BRAF: variants seen among roughly 807,000 people sequenced by gnomAD.
The protein encoded by BRAF is B-Raf proto-oncogene, serine/threonine kinase.
A neutral mutation model predicts 104.6 loss-of-function variants in BRAF; 16 were observed. The ratio of observed to expected loss-of-function variants is 0.15; its 90% confidence interval spans 0.10 to 0.23. BRAF has a LOEUF of 0.23. Among genes scored for constraint, BRAF ranks in the 10% least tolerant of loss-of-function variants. The pLI is 1.00. For missense variants in BRAF, 541 were observed against 937.3 expected, an observed-to-expected ratio of 0.58 and a Z score of 5.52; for synonymous variants, 310 against 341.6, an observed-to-expected ratio of 0.91 and a Z score of 1.02.
chr7:140,717,777 T>G (rs1795166749), downstream of BRAF, among the ~76,000 whole-genome samples: 1 of 152,330 alleles, frequency 6.6e-6, no homozygotes, highest in Non-Finnish European at 1.5e-5. Context: ...ACATCTACTC[T>G]GTTGTAATCA....
At chr7:140,734,469 C>T in intron 19 of BRAF, 2 of 1,582,126 alleles carry the variant, frequency 1.3e-6, no homozygotes, top group Admixed American at 1.7e-5. Context: ...AGTCTTTAAC[C>T]ACACAAGTGT....
chr7:140,858,386 C>A (rs1810034561), intron 1 of BRAF, among the ~76,000 whole-genome samples: 1 of 152,134 alleles, frequency 6.6e-6, no homozygotes, highest in African/African-American at 2.4e-5. Flanking sequence ...CTGAAATAAT[C>A]AAATATAGAT....
intron 3 of BRAF, among the ~76,000 whole-genome samples, chr7:140,812,076 CTTTT>C (rs954698066): frequency 8.6e-5 from 13 of 151,562 alleles, no homozygotes; most frequent in Admixed American, 5.9e-4. Flanking sequence ...AGAAGGCATT[CTTTT>C]TTTCTTTTTT....
intron 17 of BRAF, among the ~76,000 whole-genome samples, chr7:140,742,353 G>A (rs968680998): frequency 2.0e-5 from 3 of 151,880 alleles, no homozygotes; most frequent in African/African-American, 7.3e-5. Flanking sequence ...CACCATGCCT[G>A]GCTAATGTTT....
chr7:140,891,945 T>A (rs1814271918), intron 1 of BRAF, among the ~76,000 whole-genome samples: 1 of 152,064 alleles, frequency 6.6e-6, no homozygotes, highest in African/African-American at 2.4e-5. Context: ...GTCAAGGAAG[T>A]TTATACAATT....
chr7:140,803,837 C>T (rs1275900903), intron 5 of BRAF, among the ~76,000 whole-genome samples: 1 of 152,130 alleles, frequency 6.6e-6, no homozygotes, highest in Non-Finnish European at 1.5e-5. Flanking sequence ...ATGTGAGTGG[C>T]TACTTCAGAG....
chr7:140,741,956 CAAAA>C (rs541718913), intron 17 of BRAF, among the ~76,000 whole-genome samples: 1 of 140,802 alleles, frequency 7.1e-6, no homozygotes, highest in African/African-American at 2.6e-5. Flanking sequence ...GAGACTGTCT[CAAAA>C]AAAAAAAAAT....
At chr7:140,889,754 G>C (rs552403367) in intron 1 of BRAF, among the ~76,000 whole-genome samples, 4 of 152,314 alleles carry the variant, frequency 2.6e-5, no homozygotes, top group African/African-American at 9.6e-5. Context: ...TCAGTCAAAA[G>C]TCAGTGAGGA....
intron 14 of BRAF, among the ~76,000 whole-genome samples, chr7:140,761,607 A>G (rs1281640382): frequency 3.9e-5 from 6 of 152,186 alleles, no homozygotes; most frequent in Non-Finnish European, 7.3e-5. Context: ...CTGGATAAAG[A>G]GTCAAGACCC....
intron 18 of BRAF, among the ~76,000 whole-genome samples, chr7:140,737,613 T>C (rs2130886589): frequency 6.6e-6 from 1 of 152,348 alleles, no homozygotes; most frequent in South Asian, 2.1e-4. Flanking sequence ...GTTATTTTTC[T>C]ATATAGAAGT....
At position 140,785,794 on chromosome 7, in the gene BRAF, G is replaced by A. The variant is rs1801293675; in HGVS notation, c.1192C>T (p.Leu398=). 2.5e-6 allele frequency: 1 copy of A among 399,060 alleles called. No homozygotes were observed. Among genetic ancestry groups the A allele is most frequent in the Non-Finnish European group, 4.4e-6 (1 of 226,078 alleles). 24.7% of individuals were successfully genotyped at this position (399,060 alleles called of 1,614,324 possible). A position where few individuals can be genotyped will look rare whatever the true frequency, so the allele number is the denominator to read the frequency against. The stretch of plus-strand genomic sequence containing the variant: ...TGGTATTTCCGAAGACAGCGCATCA[G>A]CTGGTTCAAAGGGGCTGTTAGAAGA... ...FRGDGAPLNQ[L]MRCLRKYQSR... The change falls in exon 10 of 20, where the codon CTG becomes TTG. Residue 398 remains leucine, a synonymous_variant. Coordinates refer to ENST00000644969, the MANE Select transcript of BRAF (RefSeq NM_001374258.1).
intron 14 of BRAF, among the ~76,000 whole-genome samples, chr7:140,762,128 CATA>C (rs1798799030): frequency 6.6e-6 from 1 of 152,166 alleles, no homozygotes. Context: ...AAACTGACCA[CATA>C]CTTGGAAGTA....
intron 17 of BRAF, among the ~76,000 whole-genome samples, chr7:140,742,905 G>T (rs1013806808): frequency 1.5e-4 from 23 of 151,538 alleles, no homozygotes; most frequent in Non-Finnish European, 2.2e-4. Flanking sequence ...ATCAAAAAGT[G>T]GGCAAAGGAC....
intron 3 of BRAF, among the ~76,000 whole-genome samples, chr7:140,812,188 G>T (rs983358231): frequency 6.6e-6 from 1 of 151,914 alleles, no homozygotes; most frequent in African/African-American, 2.4e-5. Flanking sequence ...GTGTGTGTGT[G>T]TGTGTGAGGG....
Position 140,834,633 on chromosome 7 carries a change from G to A in BRAF, c.480C>T (p.Phe160=). Residue 160 remains phenylalanine, a synonymous_variant, in exon 3 of 20, where the codon TTC becomes TTT. Transcript: ENST00000644969. The stretch of plus-strand genomic sequence containing the variant: ...CCACTGTCCTCTGTTTGTTGGGCAG[G>A]AAGACTCTAACGATAGGTTTTTGTG... The part of the protein sequence containing the change: ...KSPQKPIVRV[F]LPNKQRTVVP... 1 of 1,614,128 alleles carries A rather than the reference G, an allele frequency of 6.2e-7. No homozygotes were observed. The highest frequency in any genetic ancestry group is 8.5e-7 in the Non-Finnish European group (1 of 1,180,004).
chr7:140,844,639 A>T (rs1372353767), intron 2 of BRAF, among the ~76,000 whole-genome samples: 1 of 152,194 alleles, frequency 6.6e-6, no homozygotes, highest in Non-Finnish European at 1.5e-5. Context: ...TAAAATTCAC[A>T]TGGAGGCTGA....
chr7:140,813,458 CTATCAA>C lies in BRAF; in HGVS notation c.505-4469_505-4464del, dbSNP rs1318739351. On this transcript the variant is annotated intron_variant, in intron 3 of 19. Coordinates refer to ENST00000644969, the MANE Select transcript of BRAF (RefSeq NM_001374258.1). Reference sequence around the variant, plus strand: ...AAGATCCATGAAGCGAAATTTGTATCTATCAAAGTCACAAATGCAAATTTCTCTTTG... The same window carrying C: ...AAGATCCATGAAGCGAAATTTGTATCAGTCACAAATGCAAATTTCTCTTTG... Among the ~76,000 whole-genome samples, 3 of 152,202 alleles carry C rather than the reference CTATCAA, an allele frequency of 2.0e-5. No homozygotes were observed. The East Asian group carries it at 5.8e-4, about 29-fold the overall frequency.
intron 1 of BRAF, among the ~76,000 whole-genome samples, chr7:140,873,779 C>T (rs527914798): frequency 2.4e-4 from 36 of 152,104 alleles, no homozygotes; most frequent in Admixed American, 3.3e-4. Context: ...CAGAGGAGCC[C>T]GGAGGAAAGC....
chr7:140,871,635 T>A (rs1400056890), intron 1 of BRAF, among the ~76,000 whole-genome samples: 3 of 152,138 alleles, frequency 2.0e-5, no homozygotes, highest in Admixed American at 6.6e-5. Context: ...GACATGCAAT[T>A]GAATGAGGAG....
Sources: gnomAD v4.1 joint callset for allele counts (sites outside exome capture counted in the v4.1 genomes callset) on GRCh38, gnomAD v4.1.1 for gene constraint, MANE v1.5 for transcripts, NCBI Gene and HGNC (gene_info 2026-07-23, HGNC 2026-07-21) for gene names.